Variants in ZFYVE28 observed in about 807,000 individuals in gnomAD.
ZFYVE28 encodes lateral signaling target protein 2 homolog.
ZFYVE28 carries 40 observed loss-of-function variants against 82.1 expected under a neutral mutation model. The ratio of observed to expected loss-of-function variants is 0.49; its 90% CI spans 0.38 to 0.63. The LOEUF (loss-of-function observed/expected upper bound fraction) is 0.63. Among genes scored for constraint, ZFYVE28 ranks in the 30% least tolerant of loss-of-function variants. ZFYVE28 has a pLI of 0.00. For synonymous variants in ZFYVE28, 612 were observed against 546.1 expected (o/e 1.12, Z -1.68); for missense variants, 1,321 against 1,242.1 (o/e 1.06, Z -0.96).
Position 2,364,731 on chromosome 4 carries a change from G to C in ZFYVE28, c.40-10658C>G, listed in dbSNP as rs189792505. 3 of 985,398 alleles carry C rather than the reference G, an allele frequency of 3.0e-6. No individual in the cohort carries two copies. In the African/African-American group the frequency reaches 5.2e-5, roughly 17 times the overall value. 61.0% of individuals were successfully genotyped at this position (985,398 alleles called of 1,614,324 possible). On this transcript the variant is annotated intron_variant, in intron 1 of 12. Coordinates refer to ENST00000290974, the MANE Select transcript of ZFYVE28 (RefSeq NM_020972.3). ...GTCAGGGGTGACAGTGGTGGACGCA[G>C]GTGATGAGCATAACGTTGTGCATTC...
At chr4:2,312,078 C>A (rs1717542048) in intron 7 of ZFYVE28, among the ~76,000 whole-genome samples, 1 of 152,056 alleles carries the variant, frequency 6.6e-6, no homozygotes, top group African/African-American at 2.4e-5. Flanking sequence ...ACCTGTAGTC[C>A]TAGCTACTCA....
At chr4:2,274,444 C>G (rs1736213231) in intron 8 of ZFYVE28, among the ~76,000 whole-genome samples, 1 of 152,140 alleles carries the variant, frequency 6.6e-6, no homozygotes, top group Non-Finnish European at 1.5e-5. Context: ...GAGCCAGTCC[C>G]GGGCCTTTGA....
In ZFYVE28 at chr4:2,403,774, G is replaced by A. The variant is rs12642323; in HGVS notation, c.39+14511C>T. 1.2e-3 allele frequency among the ~76,000 whole-genome samples: 186 copies of A among 152,130 alleles called. 4 individuals are homozygous for A. The East Asian group carries it at 0.019, about 16-fold the overall frequency. ...GAGGTCAGGAATTCGACACCAGCCTGGCCAACATGGTGAAACCCCGTCTCT... is the reference window on the plus strand; with the variant it reads ...GAGGTCAGGAATTCGACACCAGCCTAGCCAACATGGTGAAACCCCGTCTCT... On this transcript the variant is annotated intron_variant, in intron 1 of 12. Transcript: ENST00000290974.
intron 7 of ZFYVE28, among the ~76,000 whole-genome samples, chr4:2,310,536 G>A (rs891932161): frequency 1.3e-5 from 2 of 152,168 alleles, no homozygotes; most frequent in Non-Finnish European, 2.9e-5. Flanking sequence ...GGGTATGGTG[G>A]CTCATGCCTG....
chr4:2,338,958 C>T lies in ZFYVE28; in HGVS notation c.521+495G>A, dbSNP rs575865362. ...TCTTGCCTCAGCTTCCTGAGTGGCG[C>T]GCCACCAGGCCCGGCTAATTTTTTG... On this transcript the variant is annotated intron_variant, in intron 4 of 12. Coordinates refer to ENST00000290974, the MANE Select transcript of ZFYVE28 (RefSeq NM_020972.3). Among the ~76,000 whole-genome samples, 384 of 151,272 alleles carry T rather than the reference C, an allele frequency of 2.5e-3. 2 individuals carry two copies. Among genetic ancestry groups the T allele is most frequent in the African/African-American group, 9.0e-3 (368 of 41,090 alleles).
chr4:2,410,182 C>T (rs909884655), intron 1 of ZFYVE28, among the ~76,000 whole-genome samples: 1 of 152,228 alleles, frequency 6.6e-6, no homozygotes. Flanking sequence ...GTTCACAATG[C>T]TGCCCAACCA....
At position 2,323,812 on chromosome 4, in the gene ZFYVE28, A is replaced by C. The variant is rs545659567; in HGVS notation, c.702-3541T>G. ...TGCGGTGTTTGGTTTTTTGTTCTTA[A>C]GATAGTTTACTGAGAATGATGGTTT... On this transcript the variant is annotated intron_variant, in intron 6 of 12. Coordinates refer to ENST00000290974, the MANE Select transcript of ZFYVE28 (RefSeq NM_020972.3). Among the ~76,000 whole-genome samples the C allele has an allele frequency of 3.5e-3, 531 of 151,284 alleles. 3 individuals carry two copies. The highest frequency in any genetic ancestry group is 0.012 in the African/African-American group (494 of 41,182).
chr4:2,358,809 CT>C (rs111714888), intron 1 of ZFYVE28, among the ~76,000 whole-genome samples: 2,198 of 148,542 alleles, frequency 0.015, 51 homozygotes, highest in African/African-American at 0.051. Flanking sequence ...ATCTCCCCCA[CT>C]TTTTTTTTTG....
chr4:2,415,180 G>A (rs761793598), intron 1 of ZFYVE28, among the ~76,000 whole-genome samples: 3 of 152,170 alleles, frequency 2.0e-5, no homozygotes, highest in Non-Finnish European at 4.4e-5. Context: ...GGTAGCTAAC[G>A]TAGTAGCTAA....
intron 8 of ZFYVE28, among the ~76,000 whole-genome samples, chr4:2,292,149 A>G (rs1020854712): frequency 3.9e-5 from 6 of 152,108 alleles, no homozygotes; most frequent in Non-Finnish European, 7.3e-5. Flanking sequence ...CACAGGCTGA[A>G]CCCTGGGATG....
Position 2,271,366 on chromosome 4 carries a change from C to T in ZFYVE28, c.2477G>A (p.Cys826Tyr). 1 of 1,612,750 alleles carries T rather than the reference C, an allele frequency of 6.2e-7. No homozygotes were observed. The highest frequency in any genetic ancestry group is 8.5e-7 in the Non-Finnish European group (1 of 1,179,938). ...GCGGATGACGGTGAAGGGTGCTTTG[C>T]ACGCCGTGCAGAAGCCACAGGCCTC... is the stretch of plus-strand genomic sequence containing the variant. ...PDEACGFCTA[C>Y]KAPFTVIRRK... Residue 826 changes from cysteine (C) to tyrosine (Y), a missense_variant, in exon 12 of 13, where the codon TGC (cysteine) becomes TAC (tyrosine). This residue lies in a region of ZFYVE28 where 978 missense variants were observed against 833.7 expected (regional missense o/e 1.17). Transcript: ENST00000290974.
chr4:2,380,237 G>T (rs978841693), intron 1 of ZFYVE28, among the ~76,000 whole-genome samples: 23 of 152,294 alleles, frequency 1.5e-4, no homozygotes, highest in African/African-American at 5.3e-4. Context: ...ACTAGCTGTT[G>T]TCTCTTTGGG....
At chr4:2,312,571 A>G (rs1292610311) in intron 7 of ZFYVE28, among the ~76,000 whole-genome samples, 1 of 151,828 alleles carries the variant, frequency 6.6e-6, no homozygotes, top group Non-Finnish European at 1.5e-5. Context: ...TACTAAAAAT[A>G]CAAAAAATTA....
At chr4:2,373,622 G>A (rs533640460) in intron 1 of ZFYVE28, among the ~76,000 whole-genome samples, 16 of 152,238 alleles carry the variant, frequency 1.1e-4, no homozygotes, top group African/African-American at 3.1e-4. Flanking sequence ...AGAACACATC[G>A]ATCCATTCTT....
intron 1 of ZFYVE28, among the ~76,000 whole-genome samples, chr4:2,374,243 C>A (rs903972223): frequency 3.3e-5 from 5 of 152,168 alleles, no homozygotes; most frequent in African/African-American, 1.2e-4. Flanking sequence ...AGATCTCTCT[C>A]AAAAATAATA....
At chr4:2,283,538 C>T (rs1409829987) in intron 8 of ZFYVE28, among the ~76,000 whole-genome samples, 3 of 151,062 alleles carry the variant, frequency 2.0e-5, no homozygotes, top group Non-Finnish European at 4.4e-5. Flanking sequence ...ATCAGTCCAT[C>T]CATCCATCCA....
At chr4:2,371,849 G>GC (rs977788397) in intron 1 of ZFYVE28, among the ~76,000 whole-genome samples, 1 of 151,448 alleles carries the variant, frequency 6.6e-6, no homozygotes, top group Non-Finnish European at 1.5e-5. Flanking sequence ...CTGGCAGCCC[G>GC]CCCCCCACCC....
chr4:2,364,957 C>T, intron 1 of ZFYVE28: 2 of 968,166 alleles, frequency 2.1e-6, no homozygotes, highest in South Asian at 9.5e-5. Context: ...CAGCCTCAGC[C>T]ACAGAGCCGG....
At chr4:2,350,009 A>C (rs1724125923) in intron 2 of ZFYVE28, among the ~76,000 whole-genome samples, 2 of 149,728 alleles carry the variant, frequency 1.3e-5, no homozygotes, top group Admixed American at 1.4e-4. Context: ...CTGGAATTCT[A>C]GCTAGTTCAA....
Sources: gnomAD v4.1 joint callset for allele counts (sites outside exome capture counted in the v4.1 genomes callset) on GRCh38, gnomAD v4.1.1 for gene constraint, gnomAD v4.1.1 regional missense constraint, MANE v1.5 for transcripts, NCBI Gene and HGNC (gene_info 2026-07-23, HGNC 2026-07-21) for gene names.